The following BCL2 variants were observed in gnomAD, a reference collection of about 807,000 sequenced individuals.
The protein encoded by BCL2 is BCL2 apoptosis regulator.
A neutral mutation model predicts 14.2 loss-of-function variants in BCL2; 1 was observed. The observed-to-expected ratio is 0.07, with a 90% CI of 0.02 to 0.33. BCL2 has a LOEUF of 0.33. Among genes scored for constraint, BCL2 ranks in the 10% least tolerant of loss-of-function variants. The pLI is 0.99. For synonymous variants in BCL2, 151 were observed against 137.2 expected (o/e 1.10, Z -0.70); for missense variants, 247 against 305.9 (o/e 0.81, Z 1.44).
intron 2 of BCL2, among the ~76,000 whole-genome samples, chr18:63,178,709 C>T (rs1348364610): frequency 6.6e-6 from 1 of 151,974 alleles, no homozygotes; most frequent in African/African-American, 2.4e-5. Flanking sequence ...CAAGAGTGGG[C>T]CCCAGGGGAC....
At position 63,302,410 on chromosome 18, in the gene BCL2, C is replaced by T. The variant is rs908342788; in HGVS notation, c.585+15672G>A. 1.8e-5 allele frequency: 18 copies of T among 985,206 alleles called. No homozygotes were observed. In the African/African-American group the frequency reaches 2.8e-4, roughly 15 times the overall value. 61.0% of individuals were successfully genotyped at this position (985,206 alleles called of 1,614,324 possible). A position where few individuals can be genotyped will look rare whatever the true frequency, so the allele number is the denominator to read the frequency against. ...GGGGTTTGGGGAGCCTGATGGTGAA[C>T]TCTGTCTTGCTTAATGAAAGGTCAC... On this transcript the variant is annotated intron_variant, in intron 2 of 2. Transcript: ENST00000333681.
intron 2 of BCL2, among the ~76,000 whole-genome samples, chr18:63,129,802 G>T (rs1489810882): frequency 6.6e-6 from 1 of 152,180 alleles, no homozygotes; most frequent in Non-Finnish European, 1.5e-5. Flanking sequence ...GAGGGGCCAA[G>T]GGCGGCCTTG....
chr18:63,237,602 T>A (rs1410187721), intron 2 of BCL2, among the ~76,000 whole-genome samples: 1 of 152,214 alleles, frequency 6.6e-6, no homozygotes, highest in Non-Finnish European at 1.5e-5. Flanking sequence ...GCTCACTTAC[T>A]GCCATCCCTC....
At chr18:63,197,324 G>A (rs916915091) in intron 2 of BCL2, among the ~76,000 whole-genome samples, 1 of 152,322 alleles carries the variant, frequency 6.6e-6, no homozygotes, top group Non-Finnish European at 1.5e-5. Context: ...GCAAATGCTC[G>A]TACCTGCTAC....
rs1057099024 is a variant in BCL2 at position 63,127,399 on chromosome 18, T to C, written c.*1226A>G. ...GGGCCTCTGTTCCTTCCCTCTACAG[T>C]GATACATGTCTTAAGAAGGGTCGTG... On this transcript the variant is annotated 3_prime_UTR_variant, in exon 3 of 3. Coordinates refer to ENST00000333681, the MANE Select transcript of BCL2 (RefSeq NM_000633.3). 6 of 236,080 alleles carry C rather than the reference T, an allele frequency of 2.5e-5. No individual in the cohort carries two copies. The highest frequency in any genetic ancestry group is 1.3e-4 in the African/African-American group (6 of 45,266). The allele number at this position is 236,080 out of a possible 1,614,324, so 14.6% of individuals were successfully genotyped here. A position where few individuals can be genotyped will look rare whatever the true frequency, so the allele number is the denominator to read the frequency against.
At position 63,149,510 on chromosome 18, in the gene BCL2, T is replaced by C. The variant is rs1434938608; in HGVS notation, c.586-20751A>G. Reference sequence around the variant, plus strand: ...AGACGACTTTCGCTTGTTCTGTCTCTGTTTCTCTTCTAGCCCAGGGAGATG... The same window carrying C: ...AGACGACTTTCGCTTGTTCTGTCTCCGTTTCTCTTCTAGCCCAGGGAGATG... On this transcript the variant is annotated intron_variant, in intron 2 of 2. Transcript: ENST00000333681. The surrounding 1 kb of genome is among the most constrained non-coding windows in gnomAD (Gnocchi z 4.2). Among the ~76,000 whole-genome samples, 1 of 152,224 alleles carries C rather than the reference T, an allele frequency of 6.6e-6. No individual in the cohort carries two copies. The highest frequency in any genetic ancestry group is 2.4e-5 in the African/African-American group (1 of 41,450).
intron 2 of BCL2, among the ~76,000 whole-genome samples, chr18:63,254,761 C>G (rs1911422437): frequency 6.6e-6 from 1 of 152,126 alleles, no homozygotes; most frequent in African/African-American, 2.4e-5. Flanking sequence ...TGTCCTTGTT[C>G]TTCACATGGG....
At chr18:63,297,591 A>G (rs981919666) in intron 2 of BCL2, among the ~76,000 whole-genome samples, 3 of 152,216 alleles carry the variant, frequency 2.0e-5, no homozygotes, top group Admixed American at 1.3e-4. Context: ...TTAGTGACTA[A>G]ATGCCCAATC....
rs150967117 is a variant in BCL2, at chr18:63,189,604, C to CT, written c.586-60846dup. ...CTGCGTTAGGCTCAGCACTAGGGGG[C>CT]TTTTCATACATTATCTATTTTAGGT... On this transcript the variant is annotated intron_variant, in intron 2 of 2. Transcript: ENST00000333681. Among the ~76,000 whole-genome samples, 863 of 152,142 alleles carry CT rather than the reference C, an allele frequency of 5.7e-3. 14 individuals are homozygous for CT. Among genetic ancestry groups the CT allele is most frequent in the African/African-American group, 0.02 (834 of 41,486 alleles).
At chr18:63,281,596 G>A (rs1356000201) in intron 2 of BCL2, among the ~76,000 whole-genome samples, 8 of 151,660 alleles carry the variant, frequency 5.3e-5, no homozygotes, top group Middle Eastern at 6.8e-3. Context: ...GAGCCCAGAA[G>A]GTTAAGGCTG....
intron 2 of BCL2, among the ~76,000 whole-genome samples, chr18:63,186,264 G>A (rs79566816): frequency 0.014 from 2,200 of 151,988 alleles, 48 homozygotes; most frequent in African/African-American, 0.05. Context: ...CATCATTGCT[G>A]TACTTACATG....
At chr18:63,289,662 G>C (rs551444819) in intron 2 of BCL2, among the ~76,000 whole-genome samples, 3 of 152,302 alleles carry the variant, frequency 2.0e-5, no homozygotes, top group Admixed American at 1.3e-4. Flanking sequence ...AGGAGGCCAA[G>C]GCAGGTGGAT....
intron 2 of BCL2, among the ~76,000 whole-genome samples, chr18:63,289,626 G>A (rs962800163): frequency 2.2e-4 from 33 of 152,228 alleles, no homozygotes; most frequent in Admixed American, 1.8e-3. Flanking sequence ...AAAAAGGGTG[G>A]CTCATGCCTA....
chr18:63,140,874 C>A (rs1184352447), intron 2 of BCL2, among the ~76,000 whole-genome samples: 1 of 152,142 alleles, frequency 6.6e-6, no homozygotes, highest in Admixed American at 6.5e-5. Context: ...TATTTTTATA[C>A]CATATGGAAT....
At chr18:63,220,935 G>T (rs759383456) in intron 2 of BCL2, among the ~76,000 whole-genome samples, 10 of 152,106 alleles carry the variant, frequency 6.6e-5, no homozygotes, top group Non-Finnish European at 1.2e-4. Flanking sequence ...TTCAAGAAGA[G>T]AAAAACACAA....
At chr18:63,182,431 CCACCAGCTGACCGCATGGAG>C (rs1915498065) in intron 2 of BCL2, among the ~76,000 whole-genome samples, 1 of 152,206 alleles carries the variant, frequency 6.6e-6, no homozygotes, top group South Asian at 2.1e-4. Context: ...CACAGAGCTA[CCACCAGCTGACCGCATGGAG>C]CGAGGATCCT....
chr18:63,284,764 A>C (rs1460540962), intron 2 of BCL2, among the ~76,000 whole-genome samples: 1 of 152,206 alleles, frequency 6.6e-6, no homozygotes, highest in Admixed American at 6.5e-5. Context: ...AACCTTGAGT[A>C]AATATTTGGT....
At chr18:63,181,544 T>A (rs1380584012) in intron 2 of BCL2, among the ~76,000 whole-genome samples, 1 of 152,178 alleles carries the variant, frequency 6.6e-6, no homozygotes, top group Non-Finnish European at 1.5e-5. Context: ...TTAGCTCTCC[T>A]AAAACAACAT....
At chr18:63,143,834 C>T (rs971260177) in intron 2 of BCL2, among the ~76,000 whole-genome samples, 3 of 152,228 alleles carry the variant, frequency 2.0e-5, no homozygotes, top group Non-Finnish European at 2.9e-5. Flanking sequence ...TTCAGGGATG[C>T]AAACATTTAC....
Sources: gnomAD v4.1 joint callset for allele counts (sites outside exome capture counted in the v4.1 genomes callset) on GRCh38, gnomAD v4.1.1 for gene constraint, Gnocchi (gnomAD v3.1) non-coding constraint, MANE v1.5 for transcripts, NCBI Gene and HGNC (gene_info 2026-07-23, HGNC 2026-07-21) for gene names.